The following MAD1L1 variants were observed in gnomAD, a reference collection of about 807,000 sequenced individuals.
MAD1L1 encodes mitotic spindle assembly checkpoint protein MAD1.
In MAD1L1, 95 loss-of-function variants were observed where a neutral mutation model predicts 96.9. The observed-to-expected ratio is 0.98, with a 90% CI of 0.83 to 1.16. The LOEUF (loss-of-function observed/expected upper bound fraction) is 1.16. MAD1L1 is among the 50% of genes most tolerant of loss of function. The probability of loss-of-function intolerance (pLI) is 0.00; values close to 1 mark genes in which losing one functional copy is unlikely to be tolerated. For missense variants in MAD1L1, 1,007 were observed against 954.4 expected, an observed-to-expected ratio of 1.06 and a Z score of -0.73; for synonymous variants, 473 against 396.6, an observed-to-expected ratio of 1.19 and a Z score of -2.29.
intron 18 of MAD1L1, among the ~76,000 whole-genome samples, chr7:1,856,584 C>A (rs893561691): frequency 6.6e-6 from 1 of 152,240 alleles, no homozygotes; most frequent in Non-Finnish European, 1.5e-5. Flanking sequence ...GTATCCGCTG[C>A]GTGCTGTGTG....
intron 12 of MAD1L1, among the ~76,000 whole-genome samples, chr7:2,054,878 GCGGGGAA>G (rs755253466): frequency 1.3e-5 from 2 of 152,264 alleles, no homozygotes; most frequent in African/African-American, 2.4e-5. Flanking sequence ...TGATGGGAGA[GCGGGGAA>G]CACATGCGGT....
intron 12 of MAD1L1, among the ~76,000 whole-genome samples, chr7:2,045,745 G>A (rs1456593651): frequency 6.6e-6 from 1 of 152,026 alleles, no homozygotes; most frequent in African/African-American, 2.4e-5. Context: ...GGGTGGGGGA[G>A]GGGAGCGGGA....
At position 1,980,497 on chromosome 7, in the gene MAD1L1, G is replaced by C. The variant is rs777130204; in HGVS notation, c.1461C>G (p.Ala487=). 2 of 1,601,530 alleles carry C rather than the reference G, an allele frequency of 1.2e-6. No individual in the cohort carries two copies. The highest frequency in any genetic ancestry group is 2.4e-5 in the East Asian group (1 of 42,086). The change falls in exon 15 of 19, where the codon GCC becomes GCG. Residue 487 remains alanine, a synonymous_variant. Coordinates refer to ENST00000265854, the MANE Select transcript of MAD1L1 (RefSeq NM_001013836.2). ...LKMLKSQSSS[A]EQSFLFSREE... ...CCCTGGAGAACAGGAAGCTCTGTTC[G>C]GCAGAGCTGGACTGAGACTTCAGCA...
chr7:2,112,661 G>A (rs566988464), intron 11 of MAD1L1, among the ~76,000 whole-genome samples: 1 of 152,324 alleles, frequency 6.6e-6, no homozygotes, highest in East Asian at 1.9e-4. Flanking sequence ...AGGGGTGCTG[G>A]ATGGAGCCAG....
chr7:1,962,150 T>A (rs1779981442), intron 15 of MAD1L1, among the ~76,000 whole-genome samples: 1 of 152,160 alleles, frequency 6.6e-6, no homozygotes, highest in African/African-American at 2.4e-5. Flanking sequence ...AAGGACACGG[T>A]GGGAGATAAT....
chr7:2,039,846 G>T (rs1179672438), intron 12 of MAD1L1, among the ~76,000 whole-genome samples: 1 of 151,682 alleles, frequency 6.6e-6, no homozygotes, highest in Non-Finnish European at 1.5e-5. Flanking sequence ...ACTTTCACGG[G>T]GCAAAAATTT....
At chr7:1,923,013 T>A (rs1788885984) in intron 17 of MAD1L1, among the ~76,000 whole-genome samples, 1 of 152,198 alleles carries the variant, frequency 6.6e-6, no homozygotes, top group East Asian at 1.9e-4. Flanking sequence ...GAAGTTGGGG[T>A]AAATGCTTGC....
chr7:2,158,091 G>A (rs1163716585), intron 10 of MAD1L1, among the ~76,000 whole-genome samples: 2 of 152,236 alleles, frequency 1.3e-5, no homozygotes, highest in Non-Finnish European at 2.9e-5. Context: ...GCGGGCTTCA[G>A]CTGCGAAGCC....
intron 18 of MAD1L1, among the ~76,000 whole-genome samples, chr7:1,830,937 A>C (rs1412896334): frequency 6.6e-6 from 1 of 152,250 alleles, no homozygotes; most frequent in Non-Finnish European, 1.5e-5. Flanking sequence ...CCCAGTGAAA[A>C]GGCAGAGAAT....
chr7:1,989,668 C>A lies in MAD1L1; in HGVS notation c.1417-9127G>T, dbSNP rs531727660. Among the ~76,000 whole-genome samples the A allele has an allele frequency of 4.1e-3, 624 of 152,286 alleles. 5 individuals are homozygous for A. Among genetic ancestry groups the A allele is most frequent in the African/African-American group, 0.014 (595 of 41,570 alleles). ...GTGGACCAGCCCCAGCGTGGACCAG[C>A]CCCAGCGTGGACCAGCCTCAGCGTG... On this transcript the variant is annotated intron_variant, in intron 14 of 18. Coordinates refer to ENST00000265854, the MANE Select transcript of MAD1L1 (RefSeq NM_001013836.2).
At chr7:2,203,023 C>A (rs948032192) in intron 10 of MAD1L1, among the ~76,000 whole-genome samples, 6 of 152,234 alleles carry the variant, frequency 3.9e-5, no homozygotes, top group Non-Finnish European at 7.3e-5. Flanking sequence ...GCCAGCAATG[C>A]CCGCCTCCCA....
chr7:1,947,064 G>A (rs1283283647), intron 16 of MAD1L1, among the ~76,000 whole-genome samples: 1 of 152,218 alleles, frequency 6.6e-6, no homozygotes, highest in African/African-American at 2.4e-5. Flanking sequence ...CATCTGTGAG[G>A]GTGAGTGTGG....
At chr7:1,892,421 G>A (rs966622184) in intron 18 of MAD1L1, among the ~76,000 whole-genome samples, 23 of 152,202 alleles carry the variant, frequency 1.5e-4, no homozygotes, top group South Asian at 6.2e-4. Flanking sequence ...TATTGGAAAC[G>A]CTTGGGACCA....
chr7:2,063,455 C>A (rs1179912494), intron 12 of MAD1L1, among the ~76,000 whole-genome samples: 1 of 152,222 alleles, frequency 6.6e-6, no homozygotes, highest in Non-Finnish European at 1.5e-5. Context: ...GTGGCTGGGA[C>A]AGGCATGAGC....
intron 13 of MAD1L1, among the ~76,000 whole-genome samples, chr7:2,003,422 T>A (rs1275737801): frequency 6.6e-6 from 1 of 152,018 alleles, no homozygotes; most frequent in African/African-American, 2.4e-5. Flanking sequence ...CAGCCCACAG[T>A]CCTCAACCTG....
chr7:2,219,482 C>T (rs564460612), intron 5 of MAD1L1, 26 bp from the exon 6 acceptor site: 31 of 1,609,692 alleles, frequency 1.9e-5, no homozygotes, highest in East Asian at 1.8e-4. Flanking sequence ...ACCAGAGAGC[C>T]GCTCAGTGAG....
intron 15 of MAD1L1, among the ~76,000 whole-genome samples, chr7:1,959,113 G>A (rs911973174): frequency 2.0e-5 from 3 of 152,094 alleles, no homozygotes; most frequent in South Asian, 2.1e-4. Context: ...TTAGCCGGGC[G>A]TCGTGGTACA....
chr7:1,860,951 T>C (rs1784514722), intron 18 of MAD1L1, among the ~76,000 whole-genome samples: 1 of 152,170 alleles, frequency 6.6e-6, no homozygotes, highest in Admixed American at 6.5e-5. Flanking sequence ...GGGTCTTGCC[T>C]GGAGGGGCTA....
At chr7:2,149,365 C>G in intron 10 of MAD1L1, 127 bp from the exon 11 acceptor site, 1 of 759,410 alleles carries the variant, frequency 1.3e-6, no homozygotes, top group Non-Finnish European at 2.3e-6. Context: ...TGTGTGAACT[C>G]TGTGGACCCA....
Sources: allele counts gnomAD v4.1 joint callset (sites outside exome capture counted in the v4.1 genomes callset), GRCh38; gene constraint gnomAD v4.1.1; transcripts MANE v1.5; gene names NCBI Gene and HGNC (gene_info 2026-07-23, HGNC 2026-07-21).